Variants in SLC2A13 observed in about 807,000 individuals in gnomAD.
SLC2A13 encodes the protein solute carrier family 2 member 13.
SLC2A13 carries 32 observed loss-of-function variants against 64.4 expected under a neutral mutation model. The ratio of observed to expected loss-of-function variants is 0.50; its 90% confidence interval spans 0.37 to 0.67. The LOEUF is 0.67. Ranked by LOEUF, SLC2A13 falls within the 30% of genes least tolerant of loss-of-function variation. The pLI, the probability that SLC2A13 is intolerant of heterozygous loss-of-function variation, is 0.00. For missense variants in SLC2A13, 743 were observed against 829.2 expected (o/e 0.90, Z 1.28); for synonymous variants, 338 against 327.1 (o/e 1.03, Z -0.36).
intron 6 of SLC2A13, among the ~76,000 whole-genome samples, chr12:39,838,623 A>G (rs1943093116): frequency 6.6e-6 from 1 of 152,212 alleles, no homozygotes; most frequent in East Asian, 1.9e-4. Flanking sequence ...CAATTAAAGT[A>G]AAAAAGAGCA....
At chr12:40,020,048 G>T (rs1947686815) in intron 3 of SLC2A13, among the ~76,000 whole-genome samples, 1 of 152,122 alleles carries the variant, frequency 6.6e-6, no homozygotes, top group Non-Finnish European at 1.5e-5. Flanking sequence ...GGGTTTAGAG[G>T]GCCTCAGGTA....
chr12:39,825,520 A>G (rs1942645456), intron 7 of SLC2A13, among the ~76,000 whole-genome samples: 1 of 152,158 alleles, frequency 6.6e-6, no homozygotes, highest in South Asian at 2.1e-4. Flanking sequence ...GGGTATAGAA[A>G]TCACTTACTT....
intron 7 of SLC2A13, among the ~76,000 whole-genome samples, chr12:39,819,303 C>CATTT (rs1282466706): frequency 6.6e-6 from 1 of 151,958 alleles, no homozygotes; most frequent in Non-Finnish European, 1.5e-5. Context: ...TTTTTTTTCT[C>CATTT]ATTTATGTCA....
intron 7 of SLC2A13, among the ~76,000 whole-genome samples, chr12:39,796,189 A>G (rs1308255016): frequency 6.6e-6 from 1 of 152,158 alleles, no homozygotes; most frequent in Non-Finnish European, 1.5e-5. Context: ...ATGCATGGCA[A>G]TTTTCATATT....
At chr12:39,918,247 G>A (rs1435285778) in intron 4 of SLC2A13, among the ~76,000 whole-genome samples, 2 of 152,060 alleles carry the variant, frequency 1.3e-5, no homozygotes, top group African/African-American at 4.8e-5. Flanking sequence ...TTCCTAGCAA[G>A]TATAAACCCC....
intron 4 of SLC2A13, among the ~76,000 whole-genome samples, chr12:39,933,642 TGAAGGGTGCCCTG>T (rs1322402177): frequency 6.6e-6 from 1 of 152,212 alleles, no homozygotes; most frequent in Non-Finnish European, 1.5e-5. Flanking sequence ...TGGTCTCCTG[TGAAGGGTGCCCTG>T]TGGCTCCAGG....
intron 7 of SLC2A13, among the ~76,000 whole-genome samples, chr12:39,828,803 T>C (rs1181363369): frequency 6.6e-6 from 1 of 152,128 alleles, no homozygotes; most frequent in African/African-American, 2.4e-5. Flanking sequence ...ATTAACTCAC[T>C]AACAAAATTT....
intron 3 of SLC2A13, among the ~76,000 whole-genome samples, chr12:40,000,639 G>A (rs2136181514): frequency 6.6e-6 from 1 of 152,262 alleles, no homozygotes; most frequent in South Asian, 2.1e-4. Flanking sequence ...TCTCTCCTTG[G>A]CTTGCAGATA....
At chr12:39,811,912 T>C (rs1942174572) in intron 7 of SLC2A13, among the ~76,000 whole-genome samples, 1 of 152,244 alleles carries the variant, frequency 6.6e-6, no homozygotes, top group Non-Finnish European at 1.5e-5. Flanking sequence ...CTGTCTTTTA[T>C]TGGAGTTTCT....
At chr12:39,902,879 T>G (rs139642803) in intron 4 of SLC2A13, among the ~76,000 whole-genome samples, 4 of 152,234 alleles carry the variant, frequency 2.6e-5, no homozygotes, top group African/African-American at 9.6e-5. Context: ...TAAATTCTCT[T>G]AAGAAGTCAT....
intron 4 of SLC2A13, among the ~76,000 whole-genome samples, chr12:39,890,172 GT>G (rs1209715433): frequency 3.3e-5 from 5 of 152,094 alleles, no homozygotes; most frequent in African/African-American, 1.2e-4. Flanking sequence ...TGAGTTATAT[GT>G]AATGAAGAAA....
intron 2 of SLC2A13, among the ~76,000 whole-genome samples, chr12:40,046,941 G>A (rs572573392): frequency 6.1e-5 from 9 of 147,866 alleles, no homozygotes; most frequent in African/African-American, 2.3e-4. Context: ...TCGCTCTGTT[G>A]TCCAGGCTGG....
chr12:39,836,443 C>T (rs1943006570), intron 6 of SLC2A13, among the ~76,000 whole-genome samples: 1 of 152,044 alleles, frequency 6.6e-6, no homozygotes, highest in African/African-American at 2.4e-5. Context: ...CAGGGATGCC[C>T]TCTCTCACCA....
chr12:39,933,350 C>T (rs1945863429), intron 4 of SLC2A13, among the ~76,000 whole-genome samples: 1 of 152,150 alleles, frequency 6.6e-6, no homozygotes, highest in Non-Finnish European at 1.5e-5. Context: ...TGCAGGAAGA[C>T]CAGTTGGAAG....
At chr12:40,070,195 G>A (rs1182411538) in intron 1 of SLC2A13, among the ~76,000 whole-genome samples, 1 of 150,854 alleles carries the variant, frequency 6.6e-6, no homozygotes, top group East Asian at 1.9e-4. Flanking sequence ...AAGTGTTTCT[G>A]GCAGAGACAG....
chr12:39,827,862 G>A (rs1351842738), intron 7 of SLC2A13, among the ~76,000 whole-genome samples: 1 of 151,942 alleles, frequency 6.6e-6, no homozygotes, highest in Non-Finnish European at 1.5e-5. Context: ...CATTAATGGT[G>A]TTGCCATTCC....
intron 2 of SLC2A13, among the ~76,000 whole-genome samples, chr12:40,044,418 T>C (rs964380402): frequency 6.6e-6 from 1 of 152,158 alleles, no homozygotes; most frequent in African/African-American, 2.4e-5. Flanking sequence ...GCTCTGTGAA[T>C]ACACTAAAAG....
chr12:40,089,775 T>A (rs567026748), intron 1 of SLC2A13, among the ~76,000 whole-genome samples: 2 of 152,350 alleles, frequency 1.3e-5, no homozygotes, highest in Non-Finnish European at 2.9e-5. Context: ...ACATTTCCTA[T>A]GAATTTTAAC....
At chr12:39,853,871 T>C (rs1170805117) in intron 6 of SLC2A13, among the ~76,000 whole-genome samples, 1 of 152,200 alleles carries the variant, frequency 6.6e-6, no homozygotes, top group Non-Finnish European at 1.5e-5. Flanking sequence ...GTTAGTTCAA[T>C]TAAATGGCAT....
Sources: gnomAD v4.1 joint callset for allele counts (sites outside exome capture counted in the v4.1 genomes callset) on GRCh38, gnomAD v4.1.1 for gene constraint, MANE v1.5 for transcripts, NCBI Gene and HGNC (gene_info 2026-07-23, HGNC 2026-07-21) for gene names.